Variants in ARHGAP22 observed in about 807,000 individuals in gnomAD.
ARHGAP22 encodes rho GTPase-activating protein 22.
A neutral mutation model predicts 59.1 loss-of-function variants in ARHGAP22; 48 were observed. The observed-to-expected ratio is 0.81, with a 90% confidence interval of 0.64 to 1.03. The LOEUF is 1.03. ARHGAP22 is among the 50% of genes least tolerant of loss of function. ARHGAP22 has a pLI of 0.00. For synonymous variants in ARHGAP22, 445 were observed against 416.4 expected, an observed-to-expected ratio of 1.07 and a Z score of -0.84; for missense variants, 1,015 against 958.7, an observed-to-expected ratio of 1.06 and a Z score of -0.78.
At chr10:48,618,647 C>A (rs992680149) in intron 1 of ARHGAP22, among the ~76,000 whole-genome samples, 1 of 151,944 alleles carries the variant, frequency 6.6e-6, no homozygotes, top group African/African-American at 2.4e-5. Flanking sequence ...ATTCAACATC[C>A]CTTCATGATA....
intron 4 of ARHGAP22, among the ~76,000 whole-genome samples, chr10:48,462,478 CA>C (rs2047239956): frequency 1.3e-5 from 2 of 152,272 alleles, no homozygotes; most frequent in South Asian, 4.1e-4. Flanking sequence ...AGAATGTGCC[CA>C]AGTTCACTCA....
chr10:48,631,605 AAC>A (rs1339881391), intron 1 of ARHGAP22, among the ~76,000 whole-genome samples: 2 of 152,230 alleles, frequency 1.3e-5, no homozygotes, highest in African/African-American at 4.8e-5. Flanking sequence ...ACTCTCAAAT[AAC>A]ACTACTACTT....
chr10:48,551,177 G>C (rs990127360), intron 3 of ARHGAP22, among the ~76,000 whole-genome samples: 1 of 152,190 alleles, frequency 6.6e-6, no homozygotes, highest in African/African-American at 2.4e-5. Flanking sequence ...AACTGGGGCA[G>C]GGGCACCCTC....
At chr10:48,655,008 C>CTCTTTCTT (rs369212947), upstream of ARHGAP22, among the ~76,000 whole-genome samples, 629 of 76,466 alleles carry the variant, frequency 8.2e-3, 52 homozygotes, top group Middle Eastern at 0.021. Flanking sequence ...CTCTTTCTTT[C>CTCTTTCTT]TCTTTCTTTC....
intron 5 of ARHGAP22, among the ~76,000 whole-genome samples, chr10:48,456,130 AG>A (rs2046479349): frequency 6.6e-6 from 1 of 152,144 alleles, no homozygotes; most frequent in Non-Finnish European, 1.5e-5. Flanking sequence ...TATGGGCCCC[AG>A]GTTGTTCATC....
upstream of ARHGAP22, among the ~76,000 whole-genome samples, chr10:48,607,756 G>T (rs761322789): frequency 6.6e-6 from 1 of 152,204 alleles, no homozygotes; most frequent in East Asian, 1.9e-4. Flanking sequence ...CTGCCTGCAC[G>T]GTGCTGCCCC....
chr10:48,457,296 C>G (rs1006272168), intron 5 of ARHGAP22, among the ~76,000 whole-genome samples: 2 of 152,184 alleles, frequency 1.3e-5, no homozygotes, highest in African/African-American at 2.4e-5. Context: ...ACCTGCCCCC[C>G]AGCCGGGCCG....
At chr10:48,490,232 T>TA (rs1379179708) in intron 3 of ARHGAP22, among the ~76,000 whole-genome samples, 2 of 152,172 alleles carry the variant, frequency 1.3e-5, no homozygotes, top group Non-Finnish European at 2.9e-5. Context: ...TGGCAAGCAC[T>TA]GTCTAAGTGT....
chr10:48,499,126 T>C (rs1352041814), intron 3 of ARHGAP22, among the ~76,000 whole-genome samples: 1 of 152,248 alleles, frequency 6.6e-6, no homozygotes, highest in African/African-American at 2.4e-5. Flanking sequence ...ATGTCCTCAT[T>C]GACAGTGCTG....
At chr10:48,507,107 T>C (rs2052224578) in intron 3 of ARHGAP22, among the ~76,000 whole-genome samples, 1 of 152,186 alleles carries the variant, frequency 6.6e-6, no homozygotes, top group Non-Finnish European at 1.5e-5. Context: ...ATCTTAGCCA[T>C]CCACATGTGA....
chr10:48,653,039 G>C (rs1375287213), upstream of ARHGAP22, among the ~76,000 whole-genome samples: 2 of 152,216 alleles, frequency 1.3e-5, no homozygotes, highest in Admixed American at 6.5e-5. Flanking sequence ...CATTGACATA[G>C]TGGTCCTGGC....
At position 48,451,041 on chromosome 10, in the gene ARHGAP22, C is replaced by A. The variant is rs771364660; in HGVS notation, c.1088G>T (p.Gly363Val). 1.5e-5 allele frequency: 23 copies of A among 1,552,702 alleles called. No homozygotes were observed. The highest frequency in any genetic ancestry group is 1.9e-5 in the Non-Finnish European group (22 of 1,148,258). Reference protein sequence around the residue: ...VPEGPTSPRGGLQCAVGWGSE... With the variant: ...VPEGPTSPRGVLQCAVGWGSE... ...GCCCCACCCCACTGCGCATTGCAGGCCCCCGCGCGGGGAGGTGGGCCCTTC... is the reference window on the plus strand; with the variant it reads ...GCCCCACCCCACTGCGCATTGCAGGACCCCGCGCGGGGAGGTGGGCCCTTC... Residue 363 changes from glycine (G) to valine (V), a missense_variant, in exon 9 of 10, where the codon GGC becomes GTC. Transcript: ENST00000249601.
At chr10:48,439,858 C>T in the ARHGAP22 span, among the ~76,000 whole-genome samples, 2 of 152,204 alleles carry the variant, frequency 1.3e-5, no homozygotes, top group African/African-American at 4.8e-5. Context: ...CTCCAAATGA[C>T]CTTTGTACCG....
Position 48,555,494 on chromosome 10 carries a change from G to T in ARHGAP22, c.291C>A (p.Asp97Glu). ...TGATCTCAAAGAGGTGCTTCCCTGGGTCCTCGGGGCCAGGAGGAAGTTCAG... is the reference window on the plus strand; with the variant it reads ...TGATCTCAAAGAGGTGCTTCCCTGGTTCCTCGGGGCCAGGAGGAAGTTCAG... ...QVTELPPGPEDPGKHLFEISP... is the reference protein window; with the variant it reads ...QVTELPPGPEEPGKHLFEISP... The change falls in exon 3 of 10, where the codon GAC becomes GAA. Residue 97 changes from aspartate (D) to glutamate (E), a missense_variant. Physicochemically the swap from Asp to Glu is conservative, Grantham distance 45. Coordinates refer to ENST00000249601, the MANE Select transcript of ARHGAP22 (RefSeq NM_021226.4). 6.2e-7 allele frequency: 1 copy of T among 1,614,198 alleles called. No homozygotes were observed. The highest frequency in any genetic ancestry group is 8.5e-7 in the Non-Finnish European group (1 of 1,180,022).
intron 2 of ARHGAP22, among the ~76,000 whole-genome samples, chr10:48,567,153 C>G (rs1175708587): frequency 6.6e-6 from 1 of 152,236 alleles, no homozygotes; most frequent in South Asian, 2.1e-4. Flanking sequence ...GTGCCTGTGA[C>G]TTGCCCTGAG....
chr10:48,456,228 TTATGC>T (rs2046489667), intron 5 of ARHGAP22, among the ~76,000 whole-genome samples: 1 of 152,296 alleles, frequency 6.6e-6, no homozygotes, highest in Middle Eastern at 3.4e-3. Flanking sequence ...GGCTGTGCCA[TTATGC>T]TATCACCTGA....
chr10:48,640,228 T>C (rs890290549), intron 1 of ARHGAP22, among the ~76,000 whole-genome samples: 4 of 152,080 alleles, frequency 2.6e-5, no homozygotes, highest in African/African-American at 7.2e-5. Context: ...CAGAGACCTG[T>C]AAAGCAACAT....
chr10:48,647,024 T>G (rs970100017), intron 1 of ARHGAP22, among the ~76,000 whole-genome samples: 1 of 152,224 alleles, frequency 6.6e-6, no homozygotes, highest in Non-Finnish European at 1.5e-5. Context: ...CATGTAAACA[T>G]TCTTACCACT....
chr10:48,653,103 G>A (rs1451447866), upstream of ARHGAP22, among the ~76,000 whole-genome samples: 6 of 152,196 alleles, frequency 3.9e-5, no homozygotes, highest in Non-Finnish European at 7.4e-5. Context: ...ATCTAAATGA[G>A]GGCAGCATTG....
Sources: allele counts gnomAD v4.1 joint callset (sites outside exome capture counted in the v4.1 genomes callset), GRCh38; gene constraint gnomAD v4.1.1; transcripts MANE v1.5; gene names NCBI Gene and HGNC (gene_info 2026-07-23, HGNC 2026-07-21).